The following ADAMTS17 variants were observed in gnomAD, a reference collection of about 807,000 sequenced individuals.
ADAMTS17 encodes ADAM metallopeptidase with thrombospondin type 1 motif 17.
A neutral mutation model predicts 141.5 loss-of-function variants in ADAMTS17; 113 were observed. The ratio of observed to expected loss-of-function variants is 0.80; its 90% CI spans 0.69 to 0.93. The LOEUF is 0.93. Ranked by LOEUF, ADAMTS17 falls within the 40% of genes least tolerant of loss-of-function variation. ADAMTS17 has a pLI of 0.00. For missense variants in ADAMTS17, 1,659 were observed against 1,517.9 expected (o/e 1.09, Z -1.54); for synonymous variants, 768 against 630.6 (o/e 1.22, Z -3.27).
rs561225761 is a variant in ADAMTS17, at chr15:100,028,677, C to T, written c.2591+20180G>A. On this transcript the variant is annotated intron_variant, in intron 18 of 21. Coordinates refer to ENST00000268070, the MANE Select transcript of ADAMTS17 (RefSeq NM_139057.4). ...TCGTACAGACAGGTTGAGTGGCCTG[C>T]TGCAGGTCCCCTGCTGGCAGCAGCG... Among the ~76,000 whole-genome samples the T allele has an allele frequency of 3.3e-5, 5 of 152,348 alleles. No individual in the cohort carries two copies. In the East Asian group the frequency reaches 7.7e-4, roughly 23 times the overall value.
chr15:100,073,447 T>G (rs1290157845), intron 15 of ADAMTS17, among the ~76,000 whole-genome samples: 1 of 152,078 alleles, frequency 6.6e-6, no homozygotes, highest in East Asian at 1.9e-4. Flanking sequence ...CATGCTGTTA[T>G]AAAGACACAT....
At chr15:100,086,679 T>C (rs534331921) in intron 15 of ADAMTS17, among the ~76,000 whole-genome samples, 10 of 151,888 alleles carry the variant, frequency 6.6e-5, no homozygotes, top group Non-Finnish European at 5.9e-5. Flanking sequence ...AACTCAGGAT[T>C]AAGAAACTCA....
intron 7 of ADAMTS17, among the ~76,000 whole-genome samples, chr15:100,212,262 G>A (rs752169435): frequency 3.3e-5 from 5 of 152,110 alleles, no homozygotes; most frequent in East Asian, 1.9e-4. Context: ...CCCTGTAACC[G>A]CAGCAAAGGT....
chr15:100,215,334 C>T (rs1482522580), intron 7 of ADAMTS17, among the ~76,000 whole-genome samples: 1 of 152,196 alleles, frequency 6.6e-6, no homozygotes, highest in Non-Finnish European at 1.5e-5. Context: ...TGGATCTCGT[C>T]TGGAACATCT....
intron 8 of ADAMTS17, among the ~76,000 whole-genome samples, chr15:100,176,770 C>T (rs185191549): frequency 1.2e-4 from 18 of 152,310 alleles, no homozygotes; most frequent in Admixed American, 6.5e-5. Flanking sequence ...CCATAACCAC[C>T]GTCCTCCCTA....
chr15:100,267,450 G>A (rs577855836), intron 4 of ADAMTS17, among the ~76,000 whole-genome samples: 4 of 152,210 alleles, frequency 2.6e-5, no homozygotes, highest in African/African-American at 4.8e-5. Flanking sequence ...CGGGTGTACA[G>A]ATACCTCTTC....
intron 20 of ADAMTS17, among the ~76,000 whole-genome samples, chr15:99,985,581 AACG>A (rs2060569732): frequency 6.6e-6 from 1 of 152,170 alleles, no homozygotes; most frequent in Non-Finnish European, 1.5e-5. Flanking sequence ...TTGACTTAAT[AACG>A]ACCACATGAG....
intron 8 of ADAMTS17, among the ~76,000 whole-genome samples, chr15:100,195,289 G>A (rs557875012): frequency 6.6e-6 from 1 of 152,332 alleles, no homozygotes; most frequent in South Asian, 2.1e-4. Context: ...CAGCAGGGCT[G>A]GGAAGTCTTC....
chr15:100,110,346 A>G (rs1242371475), intron 13 of ADAMTS17, among the ~76,000 whole-genome samples: 4 of 150,258 alleles, frequency 2.7e-5, no homozygotes, highest in African/African-American at 9.8e-5. Context: ...CTCAATGCAA[A>G]CTCCGCCTCC....
chr15:100,069,913 T>C (rs2033845263), intron 15 of ADAMTS17, among the ~76,000 whole-genome samples: 1 of 150,294 alleles, frequency 6.7e-6, no homozygotes, highest in South Asian at 2.1e-4. Context: ...TAAATGTAAA[T>C]GGGCTAAATG....
chr15:100,205,431 T>A (rs2041501860), intron 7 of ADAMTS17, among the ~76,000 whole-genome samples: 1 of 152,134 alleles, frequency 6.6e-6, no homozygotes, highest in Admixed American at 6.5e-5. Context: ...CACAGCCAAC[T>A]TGAGCCAAGT....
At chr15:100,220,233 C>T (rs1458873327) in intron 7 of ADAMTS17, among the ~76,000 whole-genome samples, 1 of 152,150 alleles carries the variant, frequency 6.6e-6, no homozygotes, top group Non-Finnish European at 1.5e-5. Flanking sequence ...TCAGACTAAC[C>T]CTCGAAAAGT....
At chr15:99,992,393 G>A (rs184321119) in intron 20 of ADAMTS17, among the ~76,000 whole-genome samples, 2 of 152,290 alleles carry the variant, frequency 1.3e-5, no homozygotes, top group African/African-American at 2.4e-5. Flanking sequence ...GAAGAGTCTA[G>A]AAAACCCACT....
rs150566929 is a variant in ADAMTS17 at position 100,281,861 on chromosome 15, T to C, written c.617-460A>G. ...GGGGCTGGCATCCCAGTAACTCTTCTTGGACTCAGGAATCAGGAGCCATAA... is the reference window on the plus strand; with the variant it reads ...GGGGCTGGCATCCCAGTAACTCTTCCTGGACTCAGGAATCAGGAGCCATAA... On this transcript the variant is annotated intron_variant, in intron 3 of 21. Transcript: ENST00000268070. 3.0e-4 allele frequency among the ~76,000 whole-genome samples: 45 copies of C among 152,268 alleles called. No individual in the cohort carries two copies. The East Asian group carries it at 7.0e-3, about 24-fold the overall frequency.
chr15:100,148,837 A>AG (rs1279159010), intron 10 of ADAMTS17, among the ~76,000 whole-genome samples: 2 of 151,982 alleles, frequency 1.3e-5, no homozygotes, highest in African/African-American at 4.8e-5. Context: ...AAAAAAAAAA[A>AG]AACAGAACTC....
chr15:100,078,150 A>T (rs71456858), intron 15 of ADAMTS17, among the ~76,000 whole-genome samples: 24,238 of 152,130 alleles, frequency 0.16, 2,465 homozygotes, highest in East Asian at 0.51. Flanking sequence ...ATGACATTGT[A>T]AAAAATGTAA....
intron 15 of ADAMTS17, among the ~76,000 whole-genome samples, chr15:100,073,452 A>C (rs1430795063): frequency 6.6e-6 from 1 of 152,102 alleles, no homozygotes; most frequent in Non-Finnish European, 1.5e-5. Context: ...TGTTATAAAG[A>C]CACATGCACA....
chr15:100,304,411 C>G (rs1011333928), intron 3 of ADAMTS17, among the ~76,000 whole-genome samples: 1 of 152,202 alleles, frequency 6.6e-6, no homozygotes, highest in East Asian at 1.9e-4. Context: ...CAGAATAAAT[C>G]TGTGAGTCCA....
chr15:100,011,282 G>A (rs574176979), intron 18 of ADAMTS17, among the ~76,000 whole-genome samples: 1 of 10,366 alleles, frequency 9.6e-5, no homozygotes, highest in South Asian at 3.6e-3. Context: ...AGAAGGGAGG[G>A]AAGTAAAGGA....
Sources: gnomAD v4.1 joint callset for allele counts (sites outside exome capture counted in the v4.1 genomes callset) on GRCh38, gnomAD v4.1.1 for gene constraint, MANE v1.5 for transcripts, NCBI Gene and HGNC (gene_info 2026-07-23, HGNC 2026-07-21) for gene names.